Variants in S100PBP observed in about 807,000 individuals in gnomAD.
S100PBP encodes the protein S100P-binding protein.
S100PBP carries 15 observed loss-of-function variants against 39.9 expected under a neutral mutation model. That is an observed-to-expected ratio of 0.38 (90% CI 0.25 to 0.58). The LOEUF (loss-of-function observed/expected upper bound fraction) is 0.58, where lower values mean the gene tolerates loss of function less well. Among genes scored for constraint, S100PBP ranks in the 20% least tolerant of loss-of-function variants. S100PBP has a pLI of 0.70. For synonymous variants in S100PBP, 178 were observed against 180.3 expected (o/e 0.99, Z 0.10); for missense variants, 504 against 487.3 (o/e 1.03, Z -0.32).
chr1:32,830,900 G>C (rs1639567771), intron 5 of S100PBP, among the ~76,000 whole-genome samples: 1 of 151,922 alleles, frequency 6.6e-6, no homozygotes, highest in Admixed American at 6.6e-5. Flanking sequence ...ATAAAAATTA[G>C]CCGGATCATA....
At chr1:32,842,207 ATATATATATATATG>A (rs1640134957) in intron 5 of S100PBP, among the ~76,000 whole-genome samples, 1 of 76,006 alleles carries the variant, frequency 1.3e-5, no homozygotes, top group Non-Finnish European at 2.5e-5. Context: ...AAAAAAACAT[ATATATATATATATG>A]TATATATATA....
intron 5 of S100PBP, among the ~76,000 whole-genome samples, chr1:32,831,674 G>GTAGT (rs1224220417): frequency 6.6e-6 from 1 of 151,758 alleles, no homozygotes; most frequent in Admixed American, 6.6e-5. Context: ...ACTATTTTAG[G>GTAGT]TCTGATAGAA....
chr1:32,833,568 G>A (rs1639693075), intron 5 of S100PBP, among the ~76,000 whole-genome samples: 3 of 151,720 alleles, frequency 2.0e-5, no homozygotes, highest in Admixed American at 2.0e-4. Flanking sequence ...CACCATTTTG[G>A]CCAGGCTGGT....
chr1:32,817,354 C>T (rs748353138), upstream of S100PBP: 371 of 1,419,554 alleles, frequency 2.6e-4, 1 homozygote, highest in Non-Finnish European at 3.5e-4. Flanking sequence ...CAGGTTGCAT[C>T]AGCTGGGCTC....
upstream of S100PBP, chr1:32,817,113 C>A: frequency 1.3e-6 from 2 of 1,584,754 alleles, no homozygotes; most frequent in Non-Finnish European, 8.7e-7. Context: ...ACTTAGAACC[C>A]CGTAATGGGG....
In S100PBP at chr1:32,826,217, G is replaced by A. The variant is rs749475954; in HGVS notation, c.118G>A (p.Glu40Lys). The A allele has an allele frequency of 3.7e-6, 6 of 1,614,022 alleles. No homozygotes were observed. The East Asian group carries it at 1.3e-4, about 36-fold the overall frequency. The change falls in exon 3 of 7, where the codon GAG becomes AAG. Residue 40 changes from glutamate to lysine, a missense_variant. By Grantham distance (56) the Glu-to-Lys change is moderately conservative. Coordinates refer to ENST00000373475, the MANE Select transcript of S100PBP (RefSeq NM_022753.4). The stretch of plus-strand genomic sequence containing the variant: ...GGATGGATTGGATGACTCCTTGCTG[G>A]AGCTGTCAGAGGGAGAAGAAGATGA... The part of the protein sequence containing the change: ...DEDGLDDSLL[E>K]LSEGEEDDGD...
At chr1:32,816,918 GGGGGGTGGAAT>G, upstream of S100PBP, 1 of 587,044 alleles carries the variant, frequency 1.7e-6, no homozygotes, top group Non-Finnish European at 3.0e-6. Context: ...GCACTTAATA[GGGGGGTGGAAT>G]GGGAGTCCTG....
chr1:32,851,300 A>T (rs1158987106), intron 5 of S100PBP, among the ~76,000 whole-genome samples: 1 of 152,236 alleles, frequency 6.6e-6, no homozygotes, highest in Non-Finnish European at 1.5e-5. Context: ...TCCCGAAAGC[A>T]CAGTAGATAA....
intron 1 of S100PBP, chr1:32,818,959 G>A (rs1472314422): frequency 6.6e-6 from 1 of 152,210 alleles, no homozygotes; most frequent in Non-Finnish European, 1.5e-5. Context: ...GCTTGGTAAT[G>A]GTCTTGACTT....
At position 32,857,786 on chromosome 1, in the gene S100PBP, A is replaced by G. The variant is rs535409038; in HGVS notation, c.*1748A>G. The G allele has an allele frequency of 6.6e-6, 1 of 152,228 alleles. No homozygotes were observed. Among genetic ancestry groups the G allele is most frequent in the South Asian group, 2.1e-4 (1 of 4,818 alleles). The allele number at this position is 152,228 out of a possible 1,614,324, so 9.4% of individuals were successfully genotyped here. On this transcript the variant is annotated 3_prime_UTR_variant, in exon 7 of 7. Transcript: ENST00000373475. ...GTGAGTAATGCATTCTAAACATCCT[A>G]CCCCACTTTAGAAACGGACGTGGGG... is the stretch of plus-strand genomic sequence containing the variant.
At chr1:32,839,276 G>A (rs1639982819) in intron 5 of S100PBP, among the ~76,000 whole-genome samples, 1 of 152,160 alleles carries the variant, frequency 6.6e-6, no homozygotes, top group African/African-American at 2.4e-5. Context: ...TTAGCACAAT[G>A]TCCTCAAGAT....
intron 5 of S100PBP, among the ~76,000 whole-genome samples, chr1:32,852,394 T>C (rs1237805397): frequency 6.6e-6 from 1 of 152,130 alleles, no homozygotes; most frequent in Admixed American, 6.5e-5. Context: ...TCTATCTCCA[T>C]GTAAGATTTT....
intron 5 of S100PBP, among the ~76,000 whole-genome samples, chr1:32,838,818 G>C (rs558776707): frequency 6.6e-6 from 1 of 151,718 alleles, no homozygotes; most frequent in African/African-American, 2.4e-5. Flanking sequence ...ACTTCAGCCT[G>C]GGTGACAAGA....
Position 32,817,653 on chromosome 1 carries a change from G to A in S100PBP, c.-156G>A. The stretch of plus-strand genomic sequence containing the variant: ...AATGGCGCAGGGGGCGGAGTGAGGC[G>A]CAGTCGTTCGCCCAGGCTTTGGCCC... On this transcript the variant is annotated 5_prime_UTR_variant, in exon 1 of 7. Transcript: ENST00000373475. 1 of 262,206 alleles carries A rather than the reference G, an allele frequency of 3.8e-6. No individual in the cohort carries two copies. Among genetic ancestry groups the A allele is most frequent in the Non-Finnish European group, 7.6e-6 (1 of 131,268 alleles). 16.2% of individuals were successfully genotyped at this position (262,206 alleles called of 1,614,324 possible). A position where few individuals can be genotyped will look rare whatever the true frequency, so the allele number is the denominator to read the frequency against.
At chr1:32,851,258 T>C (rs1008670104) in intron 5 of S100PBP, among the ~76,000 whole-genome samples, 1 of 152,200 alleles carries the variant, frequency 6.6e-6, no homozygotes, top group Non-Finnish European at 1.5e-5. Flanking sequence ...CTTGAAAATA[T>C]GAGTCTGTAG....
rs756300537 is a variant in S100PBP, at chr1:32,826,416, C to A, written c.317C>A (p.Pro106Gln). ...AAAAATTCATCGTACAGCCTGGGAC[C>A]AGTAGCTGAGACTCCTGACCTCTTC... ...REKNSSYSLG[P>Q]VAETPDLFKL... Residue 106 changes from proline (P) to glutamine (Q), a missense_variant, in exon 3 of 7, where the codon CCA becomes CAA. Transcript: ENST00000373475. 4.5e-5 allele frequency: 72 copies of A among 1,613,908 alleles called. 1 individual carries two copies. Among genetic ancestry groups the A allele is most frequent in the Non-Finnish European group, 5.8e-5 (69 of 1,180,014 alleles).
intron 1 of S100PBP, among the ~76,000 whole-genome samples, chr1:32,824,096 G>T (rs551241479): frequency 8.9e-4 from 136 of 152,262 alleles, no homozygotes; most frequent in African/African-American, 3.2e-3. Context: ...TACTCGGGAG[G>T]CTGAGGCAGG....
chr1:32,836,447 GTTTGT>G, intron 5 of S100PBP: 1 of 772,220 alleles, frequency 1.3e-6, no homozygotes. Flanking sequence ...TTTTGTTTTT[GTTTGT>G]TTTTTTTTAT....
At chr1:32,855,243 TTTTTTC>T (rs1640775265) in intron 6 of S100PBP, among the ~76,000 whole-genome samples, 1 of 152,190 alleles carries the variant, frequency 6.6e-6, no homozygotes, top group Non-Finnish European at 1.5e-5. Flanking sequence ...TCTGTATTTG[TTTTTTC>T]TTTTTCTTTT....
Sources: gnomAD v4.1 joint callset for allele counts (sites outside exome capture counted in the v4.1 genomes callset) on GRCh38, gnomAD v4.1.1 for gene constraint, MANE v1.5 for transcripts, NCBI Gene and HGNC (gene_info 2026-07-23, HGNC 2026-07-21) for gene names.